Variants in WWC1 observed in about 807,000 individuals in gnomAD.
WWC1 encodes the protein WW and C2 domain containing 1, also known as protein KIBRA.
A neutral mutation model predicts 138.4 loss-of-function variants in WWC1; 55 were observed. The observed-to-expected ratio is 0.40, with a 90% CI of 0.32 to 0.50. The LOEUF (loss-of-function observed/expected upper bound fraction) is 0.50. WWC1 is among the 20% of genes least tolerant of loss of function. The probability of loss-of-function intolerance (pLI) is 0.72; values close to 1 mark genes in which losing one functional copy is unlikely to be tolerated. For missense variants in WWC1, 1,226 were observed against 1,420.4 expected (o/e 0.86, Z 2.20); for synonymous variants, 524 against 564.9 (o/e 0.93, Z 1.03).
intron 1 of WWC1, among the ~76,000 whole-genome samples, chr5:168,298,120 C>T (rs1193831669): frequency 6.6e-6 from 1 of 152,052 alleles, no homozygotes; most frequent in East Asian, 1.9e-4. Flanking sequence ...CTCATTGCAA[C>T]CTCTACTTCC....
At chr5:168,389,639 C>T (rs1778336663) in intron 3 of WWC1, among the ~76,000 whole-genome samples, 2 of 140,838 alleles carry the variant, frequency 1.4e-5, no homozygotes, top group Admixed American at 7.5e-5. Context: ...AAATTCTTGG[C>T]ACCCAACATG....
intron 1 of WWC1, among the ~76,000 whole-genome samples, chr5:168,330,483 C>A (rs145754964): frequency 5.4e-4 from 82 of 152,286 alleles, no homozygotes; most frequent in African/African-American, 1.8e-3. Context: ...GATTAATTGG[C>A]TCGTGTTTTC....
chr5:168,301,385 C>T (rs915718463), intron 1 of WWC1, among the ~76,000 whole-genome samples: 4 of 152,164 alleles, frequency 2.6e-5, no homozygotes, highest in Non-Finnish European at 5.9e-5. Flanking sequence ...CCTGTAATTC[C>T]AGCACTTTGG....
At chr5:168,331,916 C>T (rs562757816) in intron 1 of WWC1, among the ~76,000 whole-genome samples, 4 of 152,156 alleles carry the variant, frequency 2.6e-5, no homozygotes, top group South Asian at 2.1e-4. Flanking sequence ...GAGGCCAAGG[C>T]GGGTGGATCA....
chr5:168,296,220 G>T (rs537934953), intron 1 of WWC1, among the ~76,000 whole-genome samples: 1 of 152,304 alleles, frequency 6.6e-6, no homozygotes, highest in East Asian at 1.9e-4. Flanking sequence ...CTTGTTGTGC[G>T]ATTTGTATTC....
At chr5:168,421,956 C>G in intron 9 of WWC1, 52 bp from the exon 10 acceptor site, 5 of 1,507,252 alleles carry the variant, frequency 3.3e-6, no homozygotes, top group Admixed American at 3.4e-5. Context: ...GGTAAGAGTG[C>G]ATGCCTGTGC....
chr5:168,384,076 TA>T lies in WWC1; in HGVS notation c.230-1133del, dbSNP rs1345466592. 2.0e-5 allele frequency among the ~76,000 whole-genome samples: 3 copies of T among 152,232 alleles called. No individual in the cohort carries two copies. In the East Asian group the frequency reaches 5.8e-4, roughly 29 times the overall value. The stretch of plus-strand genomic sequence containing the variant: ...ATTCGGTTTTATGACCTGCATATTA[TA>T]AGTACCTTTCCATGTTATTAATTTT... On this transcript the variant is annotated intron_variant, in intron 2 of 22. Transcript: ENST00000265293.
intron 6 of WWC1, among the ~76,000 whole-genome samples, chr5:168,406,966 A>G (rs1038807923): frequency 4.6e-5 from 7 of 150,846 alleles, no homozygotes; most frequent in East Asian, 3.9e-4. Flanking sequence ...TAAATAAATA[A>G]AGAGAGAGAG....
intron 1 of WWC1, among the ~76,000 whole-genome samples, chr5:168,336,755 A>G (rs1187940106): frequency 6.6e-6 from 1 of 152,090 alleles, no homozygotes; most frequent in Non-Finnish European, 1.5e-5. Flanking sequence ...ACTCACTGGG[A>G]AATTCAGATA....
intron 5 of WWC1, among the ~76,000 whole-genome samples, chr5:168,403,786 C>T (rs1384336311): frequency 6.6e-6 from 1 of 151,802 alleles, no homozygotes; most frequent in African/African-American, 2.4e-5. Context: ...CTTTGCCCCA[C>T]CTCTCTGTGG....
intron 1 of WWC1, among the ~76,000 whole-genome samples, chr5:168,349,292 C>T (rs928895372): frequency 6.6e-6 from 1 of 152,146 alleles, no homozygotes; most frequent in African/African-American, 2.4e-5. Context: ...ACCCAGTTCT[C>T]TTCCCACCCC....
chr5:168,347,383 G>A (rs1215477993), intron 1 of WWC1, among the ~76,000 whole-genome samples: 1 of 152,234 alleles, frequency 6.6e-6, no homozygotes, highest in African/African-American at 2.4e-5. Flanking sequence ...TCCACCTTCA[G>A]TTGATCACCC....
chr5:168,437,300 C>G (rs1582295233), intron 15 of WWC1, among the ~76,000 whole-genome samples: 1 of 152,138 alleles, frequency 6.6e-6, no homozygotes, highest in East Asian at 1.9e-4. Context: ...CTTTTATCAC[C>G]TAACATTTCA....
intron 2 of WWC1, among the ~76,000 whole-genome samples, chr5:168,379,596 C>A (rs755159062): frequency 6.6e-6 from 1 of 152,056 alleles, no homozygotes; most frequent in African/African-American, 2.4e-5. Context: ...GATGGGGTTT[C>A]GCCATGTTGG....
chr5:168,369,883 A>G (rs1000059887), intron 1 of WWC1, among the ~76,000 whole-genome samples: 2 of 127,250 alleles, frequency 1.6e-5, no homozygotes, highest in Non-Finnish European at 3.3e-5. Flanking sequence ...TACATTATTC[A>G]CTCATTGTGC....
chr5:168,342,726 T>G (rs1285021972), intron 1 of WWC1, among the ~76,000 whole-genome samples: 1 of 152,048 alleles, frequency 6.6e-6, no homozygotes, highest in African/African-American at 2.4e-5. Flanking sequence ...AAAGGGTAGA[T>G]GAAGAGCCAT....
chr5:168,338,426 G>GC (rs1773694547), intron 1 of WWC1, among the ~76,000 whole-genome samples: 1 of 150,128 alleles, frequency 6.7e-6, no homozygotes, highest in Non-Finnish European at 1.5e-5. Context: ...TTTTTTTTGG[G>GC]GGGGGATTGA....
chr5:168,467,735 A>T (rs1004642061), intron 21 of WWC1, 105 bp from the exon 22 acceptor site: 14 of 1,505,686 alleles, frequency 9.3e-6, no homozygotes, highest in Non-Finnish European at 1.3e-5. Flanking sequence ...AGCAAGAGTG[A>T]GGGTGCCGTC....
chr5:168,332,960 C>A (rs1467380066), intron 1 of WWC1, among the ~76,000 whole-genome samples: 2 of 152,298 alleles, frequency 1.3e-5, no homozygotes, highest in East Asian at 3.9e-4. Context: ...CTACCCTCCT[C>A]AGCCTCCCAA....
Sources: gnomAD v4.1 joint callset for allele counts (sites outside exome capture counted in the v4.1 genomes callset) on GRCh38, gnomAD v4.1.1 for gene constraint, MANE v1.5 for transcripts, NCBI Gene and HGNC (gene_info 2026-07-23, HGNC 2026-07-21) for gene names.